The following SLC26A7 variants were observed in gnomAD, a reference collection of about 807,000 sequenced individuals.
The protein encoded by SLC26A7 is anion exchange transporter.
Under a neutral mutation model 82.5 loss-of-function variants are expected in SLC26A7, and 59 were observed. The ratio of observed to expected loss-of-function variants is 0.72; its 90% CI spans 0.58 to 0.89. SLC26A7 has a LOEUF of 0.89. Ranked by LOEUF, SLC26A7 falls within the 40% of genes least tolerant of loss-of-function variation. The pLI is 0.00. For synonymous variants in SLC26A7, 271 were observed against 274.3 expected, an observed-to-expected ratio of 0.99 and a Z score of 0.12; for missense variants, 820 against 793.0, an observed-to-expected ratio of 1.03 and a Z score of -0.41.
intron 2 of SLC26A7, among the ~76,000 whole-genome samples, chr8:91,286,907 G>A (rs562352718): frequency 3.2e-4 from 48 of 152,186 alleles, no homozygotes; most frequent in South Asian, 1.0e-3. Context: ...TTTGAGGTAC[G>A]TGTGTGGGGG....
intron 4 of SLC26A7, among the ~76,000 whole-genome samples, chr8:91,310,810 A>T (rs555605938): frequency 1.4e-4 from 22 of 151,932 alleles, no homozygotes; most frequent in African/African-American, 5.1e-4. Context: ...AGGAGAGGGA[A>T]CACAAGACCC....
chr8:91,393,060 A>G (rs558496581), intron 16 of SLC26A7, among the ~76,000 whole-genome samples: 1 of 152,312 alleles, frequency 6.6e-6, no homozygotes, highest in Non-Finnish European at 1.5e-5. Flanking sequence ...ATTAGAATAT[A>G]TTGTAAATGC....
rs568452045 is a variant in SLC26A7 at position 91,397,527 on chromosome 8, G to A, written c.*2430G>A. The A allele has an allele frequency of 6.6e-6, 1 of 152,402 alleles. No homozygotes were observed. The highest frequency in any genetic ancestry group is 1.5e-5 in the Non-Finnish European group (1 of 67,948). 9.4% of individuals were successfully genotyped at this position (152,402 alleles called of 1,614,324 possible). On this transcript the variant is annotated 3_prime_UTR_variant, in exon 19 of 19. Coordinates refer to ENST00000276609, the MANE Select transcript of SLC26A7 (RefSeq NM_052832.4). ...AAAACTGACCTATAAGAGTGTTAAGGACCTAATAGAGTGACATATATAAAT... is the reference window on the plus strand; with the variant it reads ...AAAACTGACCTATAAGAGTGTTAAGAACCTAATAGAGTGACATATATAAAT...
intron 15 of SLC26A7, among the ~76,000 whole-genome samples, chr8:91,376,170 A>G (rs1814510995): frequency 6.6e-6 from 1 of 152,084 alleles, no homozygotes; most frequent in Non-Finnish European, 1.5e-5. Context: ...TTTCTTCTGG[A>G]TCTCACTGAG....
At chr8:91,369,709 A>G in intron 14 of SLC26A7, 76 bp from the exon 15 acceptor site, 2 of 1,104,454 alleles carry the variant, frequency 1.8e-6, no homozygotes, top group Non-Finnish European at 1.3e-6. Context: ...TTATAAGTAA[A>G]AGAATTATGT....
rs1808463026 is a variant in SLC26A7, at chr8:91,393,537, T to C, written c.1777-260T>C. ...CATTCTTATAGGGCAGCAGAGGCAC[T>C]GTTTTTACTTTTATTAAATGATGTG... is the stretch of plus-strand genomic sequence containing the variant. On this transcript the variant is annotated intron_variant, in intron 16 of 18. Coordinates refer to ENST00000276609, the MANE Select transcript of SLC26A7 (RefSeq NM_052832.4). Among the ~76,000 whole-genome samples, 6 of 152,140 alleles carry C rather than the reference T, an allele frequency of 3.9e-5. No individual in the cohort carries two copies. The South Asian group carries it at 1.2e-3, about 31-fold the overall frequency.
intron 15 of SLC26A7, among the ~76,000 whole-genome samples, chr8:91,386,863 C>T (rs1170979016): frequency 6.6e-6 from 1 of 151,996 alleles, no homozygotes; most frequent in Admixed American, 6.6e-5. Context: ...TTTAAAGAAA[C>T]CATATAAATT....
At chr8:91,360,430 C>T (rs1814018128) in intron 11 of SLC26A7, among the ~76,000 whole-genome samples, 1 of 152,012 alleles carries the variant, frequency 6.6e-6, no homozygotes, top group Non-Finnish European at 1.5e-5. Context: ...GCATTTGGGT[C>T]TTTAACAGGA....
intron 2 of SLC26A7, among the ~76,000 whole-genome samples, chr8:91,258,403 C>T (rs866805602): frequency 2.0e-5 from 3 of 149,876 alleles, no homozygotes; most frequent in Non-Finnish European, 4.5e-5. Context: ...AAGTCACCCC[C>T]CCATCTACAC....
intron 15 of SLC26A7, among the ~76,000 whole-genome samples, chr8:91,370,919 A>G (rs936033164): frequency 6.6e-6 from 1 of 151,910 alleles, no homozygotes; most frequent in Non-Finnish European, 1.5e-5. Context: ...AAGTAGGTAG[A>G]GATAACAGTG....
intron 18 of SLC26A7, chr8:91,394,353 AC>A (rs1808506023): frequency 1.5e-5 from 24 of 1,565,490 alleles, no homozygotes; most frequent in Non-Finnish European, 1.8e-5. Flanking sequence ...TGTCCTGGGG[AC>A]TTGAATCCAC....
In SLC26A7 at chr8:91,242,421, T is replaced by C. The variant is rs930416506; in HGVS notation, c.-33-7198T>C. Among the ~76,000 whole-genome samples the C allele has an allele frequency of 5.8e-4, 89 of 152,232 alleles. 2 individuals carry two copies. The highest frequency in any genetic ancestry group is 5.1e-3 in the Admixed American group (78 of 15,288). On this transcript the variant is annotated intron_variant, in intron 2 of 5. Transcript: ENST00000522862. ...CATGAATGATTTTAATAAAGGCCTATATACAGCATTCTTAATCAATTTTTT... is the reference window on the plus strand; with the variant it reads ...CATGAATGATTTTAATAAAGGCCTACATACAGCATTCTTAATCAATTTTTT...
intron 2 of SLC26A7, among the ~76,000 whole-genome samples, chr8:91,234,664 A>AT (rs1038801232): frequency 3.9e-5 from 6 of 152,050 alleles, no homozygotes; most frequent in African/African-American, 1.2e-4. Context: ...AAAACCCTAT[A>AT]TTTTTTTCAA....
upstream of SLC26A7, among the ~76,000 whole-genome samples, chr8:91,248,688 G>A (rs1458932764): frequency 6.6e-6 from 1 of 152,016 alleles, no homozygotes; most frequent in Non-Finnish European, 1.5e-5. Context: ...AAAGAAGGCA[G>A]CACCATAAAA....
At chr8:91,287,695 A>G (rs1004252668) in intron 2 of SLC26A7, among the ~76,000 whole-genome samples, 5 of 152,204 alleles carry the variant, frequency 3.3e-5, no homozygotes, top group African/African-American at 7.2e-5. Flanking sequence ...TATTCTGAAA[A>G]ATGGATGAGA....
intron 9 of SLC26A7, among the ~76,000 whole-genome samples, chr8:91,350,244 T>C (rs1362867328): frequency 2.0e-5 from 3 of 152,180 alleles, no homozygotes; most frequent in African/African-American, 7.2e-5. Context: ...CCACTCTCCT[T>C]CTTCCCATAT....
intron 11 of SLC26A7, among the ~76,000 whole-genome samples, chr8:91,353,328 A>G (rs1245420316): frequency 1.3e-5 from 2 of 152,170 alleles, no homozygotes; most frequent in Non-Finnish European, 1.5e-5. Context: ...AGACACTAAT[A>G]GAAATATGGC....
chr8:91,341,602 A>G (rs1469978602), intron 8 of SLC26A7, among the ~76,000 whole-genome samples: 3 of 152,224 alleles, frequency 2.0e-5, no homozygotes, highest in Non-Finnish European at 4.4e-5. Flanking sequence ...ACCCTAATAC[A>G]TAGCAGGCAC....
At chr8:91,342,703 C>A (rs978369449) in intron 8 of SLC26A7, among the ~76,000 whole-genome samples, 2 of 152,178 alleles carry the variant, frequency 1.3e-5, no homozygotes, top group Admixed American at 6.5e-5. Flanking sequence ...GAGGGAGATA[C>A]TGAGTAGCAG....
Sources: gnomAD v4.1 joint callset for allele counts (sites outside exome capture counted in the v4.1 genomes callset) on GRCh38, gnomAD v4.1.1 for gene constraint, MANE v1.5 for transcripts, NCBI Gene and HGNC (gene_info 2026-07-23, HGNC 2026-07-21) for gene names.